Variants in PCDH15 observed in about 807,000 individuals in gnomAD.
PCDH15 encodes protocadherin-15.
PCDH15 carries 129 observed loss-of-function variants against 178.5 expected under a neutral mutation model. The ratio of observed to expected loss-of-function variants is 0.72; its 90% CI spans 0.63 to 0.84. The LOEUF (loss-of-function observed/expected upper bound fraction) is 0.84. Ranked by LOEUF, PCDH15 falls within the 40% of genes least tolerant of loss-of-function variation. The probability of loss-of-function intolerance (pLI) is 0.00; values close to 1 mark genes in which losing one functional copy is unlikely to be tolerated. For missense variants in PCDH15, 2,230 were observed against 2,099.9 expected, an observed-to-expected ratio of 1.06 and a Z score of -1.21; for synonymous variants, 800 against 732.0, an observed-to-expected ratio of 1.09 and a Z score of -1.50.
intron 21 of PCDH15, among the ~76,000 whole-genome samples, chr10:53,969,119 A>G (rs2089378896): frequency 1.3e-5 from 2 of 152,184 alleles, no homozygotes; most frequent in South Asian, 2.1e-4. Context: ...AAAAAAGATT[A>G]GACAAATGGC....
chr10:53,943,916 A>T (rs1216372090), intron 23 of PCDH15, among the ~76,000 whole-genome samples: 3 of 152,072 alleles, frequency 2.0e-5, no homozygotes, highest in Non-Finnish European at 1.5e-5. Flanking sequence ...AATAAAAATA[A>T]TATTATTTTA....
chr10:54,368,487 C>T (rs917680841), intron 5 of PCDH15, among the ~76,000 whole-genome samples: 5 of 151,274 alleles, frequency 3.3e-5, no homozygotes, highest in Non-Finnish European at 5.9e-5. Flanking sequence ...ACAGTAACCA[C>T]GGTTTAAAAA....
chr10:54,144,347 C>G (rs191349052), intron 14 of PCDH15, among the ~76,000 whole-genome samples: 1 of 152,194 alleles, frequency 6.6e-6, no homozygotes, highest in Non-Finnish European at 1.5e-5. Context: ...GGTCTTAAAG[C>G]TTGAAACTTT....
rs139691343 is a variant in PCDH15, at chr10:55,107,765, G to A, written c.-80+58811C>T. Among the ~76,000 whole-genome samples the A allele has an allele frequency of 8.4e-3, 1,237 of 147,948 alleles. 15 individuals are homozygous for A. The highest frequency in any genetic ancestry group is 0.027 in the African/African-American group (1,104 of 40,234). ...ACCCCCCTCAGCCTCCAAAAGTGCCGGGATTACAGGCGTGAATCACCACAT... is the reference window on the plus strand; with the variant it reads ...ACCCCCCTCAGCCTCCAAAAGTGCCAGGATTACAGGCGTGAATCACCACAT... On this transcript the variant is annotated intron_variant, in intron 2 of 5. Coordinates refer to the PCDH15 transcript ENST00000458638.
chr10:54,556,504 A>G (rs2087284882), intron 2 of PCDH15, among the ~76,000 whole-genome samples: 1 of 152,210 alleles, frequency 6.6e-6, no homozygotes, highest in Non-Finnish European at 1.5e-5. Context: ...AAGAAAAATT[A>G]GAATTTTGTA....
intron 2 of PCDH15, among the ~76,000 whole-genome samples, chr10:55,594,810 T>A (rs1490422513): frequency 6.6e-6 from 1 of 152,094 alleles, no homozygotes; most frequent in African/African-American, 2.4e-5. Flanking sequence ...TTTCCCCTGA[T>A]ACACTCTACC....
intron 2 of PCDH15, among the ~76,000 whole-genome samples, chr10:55,424,563 G>C (rs1031367902): frequency 2.0e-5 from 3 of 152,042 alleles, no homozygotes; most frequent in Non-Finnish European, 4.4e-5. Flanking sequence ...CACTTTCCAG[G>C]CTACAGACAA....
intron 2 of PCDH15, among the ~76,000 whole-genome samples, chr10:54,991,632 G>A (rs1336870772): frequency 6.6e-6 from 1 of 151,974 alleles, no homozygotes; most frequent in Non-Finnish European, 1.5e-5. Flanking sequence ...ACATACCTCA[G>A]GCACTTTTCA....
intron 17 of PCDH15, 98 bp downstream of exon 17, chr10:54,079,233 G>T (rs1260391954): frequency 9.2e-6 from 11 of 1,198,740 alleles, no homozygotes; most frequent in Admixed American, 1.7e-5. Context: ...AGTTGCTCCA[G>T]ATGAAAAACA....
intron 5 of PCDH15, among the ~76,000 whole-genome samples, chr10:54,356,551 T>A (rs1305622858): frequency 6.6e-6 from 1 of 151,616 alleles, no homozygotes; most frequent in Non-Finnish European, 1.5e-5. Context: ...TATGACATAC[T>A]TATATATACA....
chr10:54,419,860 C>CA (rs1049475474), intron 3 of PCDH15, among the ~76,000 whole-genome samples: 32 of 152,044 alleles, frequency 2.1e-4, no homozygotes, highest in African/African-American at 7.2e-4. Flanking sequence ...TTAGGAAGAA[C>CA]AAAAGGAACC....
At position 54,440,272 on chromosome 10, in the gene PCDH15, T is replaced by G. The variant is rs570888021; in HGVS notation, c.158-61330A>C. On this transcript the variant is annotated intron_variant, in intron 3 of 37. Transcript: ENST00000644397. Reference sequence around the variant, plus strand: ...CCCTTGTGTTTAATGCTTATGCAAATAAGCTATTTGCAGGTGGCTTTTGGG... The same window carrying G: ...CCCTTGTGTTTAATGCTTATGCAAAGAAGCTATTTGCAGGTGGCTTTTGGG... Among the ~76,000 whole-genome samples, 4 of 152,122 alleles carry G rather than the reference T, an allele frequency of 2.6e-5. No individual in the cohort carries two copies. In the South Asian group the frequency reaches 8.3e-4, roughly 32 times the overall value.
chr10:54,505,080 T>C (rs1170955754), intron 3 of PCDH15, among the ~76,000 whole-genome samples: 1 of 152,074 alleles, frequency 6.6e-6, no homozygotes, highest in Non-Finnish European at 1.5e-5. Flanking sequence ...TTTTCCTAAA[T>C]CTCCACTTCT....
Position 53,816,269 on chromosome 10 carries a change from T to C in PCDH15, c.4461A>G (p.Gln1487=), listed in dbSNP as rs1019790144. The change falls in exon 35 of 38, where the codon CAA becomes CAG. Residue 1487 remains glutamine, a synonymous_variant. Coordinates refer to ENST00000644397, the MANE Select transcript of PCDH15 (RefSeq NM_001384140.1). The part of the protein sequence containing the change: ...TRRGYGSEQQ[Q]LLRPSLLKPE... ...GTTTAAGAAGAGAGGGCCTCAGCAGTTGCTGTTGCTGTCAAAGGAAATTAA... is the reference window on the plus strand; with the variant it reads ...GTTTAAGAAGAGAGGGCCTCAGCAGCTGCTGTTGCTGTCAAAGGAAATTAA... The C allele has an allele frequency of 2.0e-5, 8 of 398,684 alleles. No individual in the cohort carries two copies. In the East Asian group the frequency reaches 2.9e-4, roughly 14 times the overall value. The allele number at this position is 398,684 out of a possible 1,614,324, so 24.7% of individuals were successfully genotyped here. A position where few individuals can be genotyped will look rare whatever the true frequency, so the allele number is the denominator to read the frequency against.
chr10:54,350,137 T>A (rs1158723413), intron 5 of PCDH15, among the ~76,000 whole-genome samples: 3 of 152,250 alleles, frequency 2.0e-5, no homozygotes, highest in South Asian at 2.1e-4. Flanking sequence ...TAGACAAAAT[T>A]TTAGATTCCT....
At chr10:55,428,365 CTT>C (rs1247565115) in intron 2 of PCDH15, among the ~76,000 whole-genome samples, 1 of 151,762 alleles carries the variant, frequency 6.6e-6, no homozygotes. Flanking sequence ...ATTCAGGACA[CTT>C]ATTGTACTAG....
rs112721812 is a variant in PCDH15, at chr10:54,336,100, G to T, written c.595-6394C>A. On this transcript the variant is annotated intron_variant, in intron 6 of 37. Coordinates refer to ENST00000644397, the MANE Select transcript of PCDH15 (RefSeq NM_001384140.1). Reference sequence around the variant, plus strand: ...GAGATTTGTGGAACCTTGAATTTGAGGGAGATGATTTAGGTTATTTGGTGA... The same window carrying T: ...GAGATTTGTGGAACCTTGAATTTGATGGAGATGATTTAGGTTATTTGGTGA... Among the ~76,000 whole-genome samples, 981 of 152,260 alleles carry T rather than the reference G, an allele frequency of 6.4e-3. 8 individuals are homozygous for T. The highest frequency in any genetic ancestry group is 0.022 in the African/African-American group (929 of 41,544).
chr10:55,186,875 C>T (rs1158823148), intron 1 of PCDH15, among the ~76,000 whole-genome samples: 1 of 151,670 alleles, frequency 6.6e-6, no homozygotes, highest in Admixed American at 6.6e-5. Context: ...AATTTAAATT[C>T]ACCAAGCTTA....
At chr10:54,250,773 C>T (rs2056410940) in intron 8 of PCDH15, among the ~76,000 whole-genome samples, 1 of 152,110 alleles carries the variant, frequency 6.6e-6, no homozygotes, top group Non-Finnish European at 1.5e-5. Context: ...GAATGCCAAA[C>T]AAGAAAAGAC....
Sources: gnomAD v4.1 joint callset for allele counts (sites outside exome capture counted in the v4.1 genomes callset) on GRCh38, gnomAD v4.1.1 for gene constraint, MANE v1.5 for transcripts, NCBI Gene and HGNC (gene_info 2026-07-23, HGNC 2026-07-21) for gene names.